Variants in CAPN7 observed in about 807,000 individuals in gnomAD.
CAPN7 encodes calpain-7.
Under a neutral mutation model 115.2 loss-of-function variants are expected in CAPN7, and 72 were observed. The observed-to-expected ratio is 0.63, with a 90% CI of 0.52 to 0.76. The LOEUF is 0.76. CAPN7 is among the 30% of genes least tolerant of loss of function. The pLI is 0.00. For missense variants in CAPN7, 905 were observed against 971.5 expected (o/e 0.93, Z 0.91); for synonymous variants, 344 against 322.3 (o/e 1.07, Z -0.72).
At chr3:15,248,460 T>C (rs751024802) in intron 19 of CAPN7, among the ~76,000 whole-genome samples, 2 of 152,120 alleles carry the variant, frequency 1.3e-5, no homozygotes, top group South Asian at 2.1e-4. Context: ...GAAATACTCA[T>C]GTAAGGATGC....
rs771773230 is a variant in CAPN7 at position 15,240,467 on chromosome 3, A to C, written c.1408-6A>C. 1 of 1,607,302 alleles carries C rather than the reference A, an allele frequency of 6.2e-7. No individual in the cohort carries two copies. Among genetic ancestry groups the C allele is most frequent in the Non-Finnish European group, 8.5e-7 (1 of 1,178,438 alleles). ...TAATGTTATCTCCTGTTTCTTTTTT[A>C]TATAGGGGCTGCGATTTATCCAGTT... On this transcript the variant is annotated splice_polypyrimidine_tract_variant and splice_region_variant and intron_variant, in intron 12 of 20. Transcript: ENST00000253693.
chr3:15,236,005 C>CA (rs1694972342), intron 12 of CAPN7, among the ~76,000 whole-genome samples: 1 of 151,638 alleles, frequency 6.6e-6, no homozygotes, highest in African/African-American at 2.4e-5. Context: ...CCCACCGCTA[C>CA]AAAAAATAAA....
chr3:15,217,717 C>A (rs1169635053), intron 3 of CAPN7, 135 bp downstream of exon 3: 1 of 613,830 alleles, frequency 1.6e-6, no homozygotes, highest in Middle Eastern at 4.7e-4. Flanking sequence ...AACAACTACT[C>A]CTCAATATAA....
chr3:15,223,496 T>A lies in CAPN7; in HGVS notation c.660T>A (p.Gly220=). The part of the protein sequence containing the change: ...EVLRTTSKIN[G]IEYVPFMNVD... ...ATAGGACAACATCAAAAATAAATGG[T>A]ATAGAATATGTTCCTTTCATGAATG... The change falls in exon 6 of 21, where the codon GGT becomes GGA. Residue 220 remains glycine (G), a synonymous_variant. Coordinates refer to ENST00000253693, the MANE Select transcript of CAPN7 (RefSeq NM_014296.3). 2 of 1,609,834 alleles carry A rather than the reference T, an allele frequency of 1.2e-6. No individual in the cohort carries two copies. The highest frequency in any genetic ancestry group is 1.7e-4 in the Middle Eastern group (1 of 6,048).
At chr3:15,248,559 A>G (rs1428463522) in intron 19 of CAPN7, among the ~76,000 whole-genome samples, 1 of 152,230 alleles carries the variant, frequency 6.6e-6, no homozygotes, top group East Asian at 1.9e-4. Context: ...TTAGGAATAT[A>G]CAGGGAATTC....
intron 2 of CAPN7, among the ~76,000 whole-genome samples, chr3:15,215,090 A>G (rs980126267): frequency 5.3e-5 from 8 of 152,212 alleles, no homozygotes; most frequent in Non-Finnish European, 2.9e-5. Flanking sequence ...TGGAATTAGT[A>G]TATACTTCAG....
intron 11 of CAPN7, 67 bp downstream of exon 11, chr3:15,234,040 G>T: frequency 1.1e-6 from 1 of 874,582 alleles, no homozygotes; most frequent in Middle Eastern, 2.6e-4. Flanking sequence ...TGCTGGCTGG[G>T]CGTGGTGGGT....
chr3:15,226,886 T>G (rs1427238350), intron 6 of CAPN7, among the ~76,000 whole-genome samples: 1 of 152,070 alleles, frequency 6.6e-6, no homozygotes, highest in East Asian at 1.9e-4. Flanking sequence ...TGTGCCAGTT[T>G]GCATATTATA....
chr3:15,245,694 G>T (rs1193371387), intron 17 of CAPN7, 23 bp downstream of exon 17: 2 of 1,603,290 alleles, frequency 1.2e-6, no homozygotes, highest in East Asian at 4.5e-5. Context: ...AACACACAAT[G>T]ACAAAACACA....
At position 15,249,898 on chromosome 3, in the gene CAPN7, G is replaced by C. The variant is rs1695900522; in HGVS notation, c.2205-1033G>C. Among the ~76,000 whole-genome samples, 3 of 151,582 alleles carry C rather than the reference G, an allele frequency of 2.0e-5. No homozygotes were observed. The South Asian group carries it at 6.3e-4, about 32-fold the overall frequency. ...TCCTGCCTCAGCCTCCCAAGTAGCT[G>C]AGGCTACAGGTGCACACCACCATGC... On this transcript the variant is annotated intron_variant, in intron 19 of 20. Transcript: ENST00000253693.
At chr3:15,215,579 C>A (rs1257751659) in intron 2 of CAPN7, among the ~76,000 whole-genome samples, 1 of 152,250 alleles carries the variant, frequency 6.6e-6, no homozygotes, top group Admixed American at 6.5e-5. Context: ...CAAATGGAAT[C>A]ATCCAAAACA....
chr3:15,216,630 C>T (rs1275740543), intron 2 of CAPN7, among the ~76,000 whole-genome samples: 3 of 151,910 alleles, frequency 2.0e-5, no homozygotes, highest in African/African-American at 7.3e-5. Context: ...ATAGAAAAAG[C>T]AGGAACTTTA....
intron 6 of CAPN7, among the ~76,000 whole-genome samples, chr3:15,227,127 A>T (rs1333308882): frequency 2.7e-5 from 4 of 149,376 alleles, no homozygotes; most frequent in African/African-American, 7.5e-5. Context: ...AAAAAAAAAA[A>T]GTTTAGGGAA....
At chr3:15,242,573 A>G (rs1695411934) in intron 16 of CAPN7, among the ~76,000 whole-genome samples, 1 of 152,198 alleles carries the variant, frequency 6.6e-6, no homozygotes, top group African/African-American at 2.4e-5. Context: ...ATAAAATCTA[A>G]GCTCTTTAGC....
At chr3:15,225,800 A>T (rs1456074609) in intron 6 of CAPN7, among the ~76,000 whole-genome samples, 1 of 152,214 alleles carries the variant, frequency 6.6e-6, no homozygotes, top group Admixed American at 6.5e-5. Context: ...TGAAGTAGTT[A>T]AATTGGGAGA....
chr3:15,221,669 C>G (rs548704784), intron 5 of CAPN7, among the ~76,000 whole-genome samples: 1 of 152,088 alleles, frequency 6.6e-6, no homozygotes. Context: ...AAAAATGTTA[C>G]TTTGAAATAG....
chr3:15,239,147 T>G (rs1455943368), intron 12 of CAPN7, among the ~76,000 whole-genome samples: 1 of 152,200 alleles, frequency 6.6e-6, no homozygotes, highest in Non-Finnish European at 1.5e-5. Context: ...TGAAAGAAAC[T>G]GTATTAATGA....
At chr3:15,249,976 G>C (rs755012433) in intron 19 of CAPN7, among the ~76,000 whole-genome samples, 7 of 151,568 alleles carry the variant, frequency 4.6e-5, no homozygotes, top group Non-Finnish European at 8.8e-5. Context: ...TGTTGGCCAG[G>C]ATGCTCTTGA....
At chr3:15,210,949 T>A (rs1339477393) in intron 1 of CAPN7, 1 of 1,162,942 alleles carries the variant, frequency 8.6e-7, no homozygotes, top group African/African-American at 1.6e-5. Context: ...AAATCTGTCT[T>A]TGCTTTTCTA....
Sources: gnomAD v4.1 joint callset for allele counts (sites outside exome capture counted in the v4.1 genomes callset) on GRCh38, gnomAD v4.1.1 for gene constraint, MANE v1.5 for transcripts, NCBI Gene and HGNC (gene_info 2026-07-23, HGNC 2026-07-21) for gene names.